The following SPON1 variants were observed in gnomAD, a reference collection of about 807,000 sequenced individuals.
SPON1 encodes the protein spondin-1.
SPON1 carries 52 observed loss-of-function variants against 111.7 expected under a neutral mutation model. The observed-to-expected ratio is 0.47, with a 90% CI of 0.37 to 0.59. SPON1 has a LOEUF of 0.59. SPON1 is among the 20% of genes least tolerant of loss of function. The pLI is 0.00. For missense variants in SPON1, 957 were observed against 1,068.5 expected, an observed-to-expected ratio of 0.90 and a Z score of 1.46; for synonymous variants, 410 against 395.8, an observed-to-expected ratio of 1.04 and a Z score of -0.43.
At chr11:14,076,276 T>C (rs1193599092) in intron 4 of SPON1, among the ~76,000 whole-genome samples, 1 of 152,330 alleles carries the variant, frequency 6.6e-6, no homozygotes, top group East Asian at 1.9e-4. Context: ...CTCATTTCTA[T>C]TTAATTTTGC....
At chr11:14,087,130 A>G (rs759196987) in intron 5 of SPON1, among the ~76,000 whole-genome samples, 5 of 151,352 alleles carry the variant, frequency 3.3e-5, no homozygotes, top group Admixed American at 6.6e-5. Flanking sequence ...AAGGGTTTCC[A>G]TGTCTCTATC....
At chr11:13,977,180 G>T (rs939101746) in intron 1 of SPON1, among the ~76,000 whole-genome samples, 1 of 152,088 alleles carries the variant, frequency 6.6e-6, no homozygotes, top group African/African-American at 2.4e-5. Flanking sequence ...GGTATCTTTG[G>T]TGCACATATA....
intron 5 of SPON1, among the ~76,000 whole-genome samples, chr11:14,087,068 T>G (rs1050594969): frequency 3.9e-5 from 6 of 151,942 alleles, no homozygotes; most frequent in Non-Finnish European, 7.4e-5. Context: ...GCAGTCTATC[T>G]ATTTTGTTAA....
At chr11:14,197,922 T>G (rs1386983084) in intron 6 of SPON1, among the ~76,000 whole-genome samples, 5 of 152,262 alleles carry the variant, frequency 3.3e-5, no homozygotes, top group African/African-American at 1.2e-4. Flanking sequence ...CTGATAAGTC[T>G]GCTTGTGGCT....
Position 14,262,892 on chromosome 11 carries a change from T to A in SPON1, c.2177T>A (p.Ile726Asn). The change falls in exon 15 of 16, where the codon ATC becomes AAC. Residue 726 changes from isoleucine (I) to asparagine (N), a missense_variant. This residue lies in a region of SPON1 where 549 missense variants were observed against 606.2 expected (regional missense o/e 0.91). Transcript: ENST00000576479. ...RIRKCLRNPS[I>N]QKLRWREARE... ...CGAAAATGCCTTCGAAATCCATCCA[T>A]CCAAAAGCTACGCTGGAGGGAGGCC... The A allele has an allele frequency of 6.2e-7, 1 of 1,613,648 alleles. No homozygotes were observed. Among genetic ancestry groups the A allele is most frequent in the African/African-American group, 1.3e-5 (1 of 74,900 alleles).
At chr11:13,970,595 C>T (rs1848055245) in intron 1 of SPON1, among the ~76,000 whole-genome samples, 1 of 152,132 alleles carries the variant, frequency 6.6e-6, no homozygotes, top group Non-Finnish European at 1.5e-5. Context: ...TTCTCCTCCT[C>T]TTCCTCCTCC....
At chr11:14,024,630 C>T (rs782235904) in intron 2 of SPON1, among the ~76,000 whole-genome samples, 21 of 152,036 alleles carry the variant, frequency 1.4e-4, no homozygotes, top group African/African-American at 1.9e-4. Flanking sequence ...GCTAAGGTCT[C>T]GGGTTTATAT....
rs561693924 is a variant in SPON1 at position 14,200,032 on chromosome 11, C to T, written c.826-43300C>T. 1.3e-4 allele frequency among the ~76,000 whole-genome samples: 20 copies of T among 152,252 alleles called. No homozygotes were observed. The East Asian group carries it at 3.7e-3, about 28-fold the overall frequency. On this transcript the variant is annotated intron_variant, in intron 6 of 15. Coordinates refer to ENST00000576479, the MANE Select transcript of SPON1 (RefSeq NM_006108.4). ...TTGCTCTCTTTTCCTTGAATACTTTCCCCCCACCCCTCATCCACCCATTTA... is the reference window on the plus strand; with the variant it reads ...TTGCTCTCTTTTCCTTGAATACTTTTCCCCCACCCCTCATCCACCCATTTA...
At chr11:14,214,177 A>G (rs1848603476) in intron 6 of SPON1, among the ~76,000 whole-genome samples, 1 of 151,986 alleles carries the variant, frequency 6.6e-6, no homozygotes, top group Admixed American at 6.6e-5. Context: ...CTTTCACTCC[A>G]TGTTGTCCTG....
chr11:14,245,505 G>A (rs1554940163), intron 7 of SPON1, among the ~76,000 whole-genome samples: 1 of 152,162 alleles, frequency 6.6e-6, no homozygotes, highest in Non-Finnish European at 1.5e-5. Context: ...ATGTTAGGGT[G>A]AGGAATGGCT....
chr11:14,229,568 G>A (rs782044866), intron 6 of SPON1, among the ~76,000 whole-genome samples: 8 of 152,130 alleles, frequency 5.3e-5, no homozygotes, highest in South Asian at 4.1e-4. Flanking sequence ...GACTGATACC[G>A]TCTCATTTAA....
At chr11:14,071,860 G>A (rs561202080) in intron 3 of SPON1, among the ~76,000 whole-genome samples, 8 of 152,094 alleles carry the variant, frequency 5.3e-5, no homozygotes, top group East Asian at 3.9e-4. Flanking sequence ...CACCTCGCCC[G>A]GCTAATTTTT....
intron 6 of SPON1, among the ~76,000 whole-genome samples, chr11:14,151,537 A>T (rs1324774000): frequency 6.6e-6 from 1 of 152,112 alleles, no homozygotes; most frequent in Non-Finnish European, 1.5e-5. Flanking sequence ...TCTGAGTGAG[A>T]CCCTGTGCTA....
At chr11:14,075,024 T>C (rs944794692) in intron 3 of SPON1, among the ~76,000 whole-genome samples, 2 of 152,178 alleles carry the variant, frequency 1.3e-5, no homozygotes, top group African/African-American at 2.4e-5. Flanking sequence ...AAATAAACCA[T>C]TGAGAAAAGT....
Position 14,160,559 on chromosome 11 carries a change from TTATATATATATTTATATATATATTTACA to T in SPON1, c.825+25001_825+25028del, listed in dbSNP as rs1847910985. Among the ~76,000 whole-genome samples, 2 of 24,168 alleles carry T rather than the reference TTATATATATATTTATATATATATTTACA, an allele frequency of 8.3e-5. 1 individual carries two copies. Among genetic ancestry groups the T allele is most frequent in the Non-Finnish European group, 1.3e-4 (2 of 15,726 alleles). 15.9% of individuals were successfully genotyped at this position (24,168 alleles called of 152,430 possible). On this transcript the variant is annotated intron_variant, in intron 6 of 15. Transcript: ENST00000576479. ...TTTATATATATATTTATATATATAT[TTATATATATATTTATATATATATTTACA>T]TATATATATTTATATATATTTATAT...
chr11:14,033,663 A>T (rs7111953), intron 2 of SPON1, among the ~76,000 whole-genome samples: 3,014 of 152,280 alleles, frequency 0.02, 97 homozygotes, highest in African/African-American at 0.068. Flanking sequence ...ATTCAATGAA[A>T]AGTTTTAGAA....
At chr11:14,153,890 A>T (rs535312968) in intron 6 of SPON1, among the ~76,000 whole-genome samples, 2 of 152,374 alleles carry the variant, frequency 1.3e-5, no homozygotes, top group East Asian at 3.9e-4. Context: ...GGCAAAAAAT[A>T]AAGGGGTTAC....
intron 1 of SPON1, 27 bp downstream of exon 1, chr11:13,963,169 G>A: frequency 6.9e-7 from 1 of 1,458,268 alleles, no homozygotes; most frequent in South Asian, 1.4e-5. Context: ...CGTGGCATTA[G>A]GAGAGCGGGA....
intron 5 of SPON1, among the ~76,000 whole-genome samples, chr11:14,113,266 A>C (rs982242696): frequency 7.9e-5 from 12 of 152,336 alleles, no homozygotes; most frequent in African/African-American, 2.9e-4. Context: ...CTTAAACAGG[A>C]GTCTTCCATT....
Sources: gnomAD v4.1 joint callset for allele counts (sites outside exome capture counted in the v4.1 genomes callset) on GRCh38, gnomAD v4.1.1 for gene constraint, gnomAD v4.1.1 regional missense constraint, MANE v1.5 for transcripts, NCBI Gene and HGNC (gene_info 2026-07-23, HGNC 2026-07-21) for gene names.